The following AHCYL2 variants were observed in gnomAD, a reference collection of about 807,000 sequenced individuals.
AHCYL2 encodes the protein S-adenosylhomocysteine hydrolase-like protein 2.
AHCYL2 carries 28 observed loss-of-function variants against 81.4 expected under a neutral mutation model. That is an observed-to-expected ratio of 0.34 (90% CI 0.25 to 0.47). AHCYL2 has a LOEUF of 0.47. AHCYL2 is among the 20% of genes least tolerant of loss of function. AHCYL2 has a pLI of 1.00. For missense variants in AHCYL2, 551 were observed against 785.1 expected, an observed-to-expected ratio of 0.70 and a Z score of 3.56; for synonymous variants, 272 against 290.2, an observed-to-expected ratio of 0.94 and a Z score of 0.64.
In AHCYL2 at chr7:129,406,373, T is replaced by C. The variant is rs200415175; in HGVS notation, c.1207-5T>C. On this transcript the variant is annotated splice_region_variant and splice_polypyrimidine_tract_variant and intron_variant, in intron 9 of 16. Coordinates refer to ENST00000325006, the MANE Select transcript of AHCYL2 (RefSeq NM_015328.4). This position sits in a 1 kb window ranked among gnomAD's most constrained non-coding sequence, Gnocchi z 4.3. Reference sequence around the variant, plus strand: ...CTTAATATGTGTGCTCTCTCCCCTCTTCAGGTGGGGAAAGGGTGCTGTGCT... The same window carrying C: ...CTTAATATGTGTGCTCTCTCCCCTCCTCAGGTGGGGAAAGGGTGCTGTGCT... The C allele has an allele frequency of 2.5e-6, 4 of 1,611,852 alleles. No individual in the cohort carries two copies. Among genetic ancestry groups the C allele is most frequent in the Middle Eastern group, 1.7e-4 (1 of 6,050 alleles).
At chr7:129,282,104 C>CT (rs1386879433) in intron 1 of AHCYL2, among the ~76,000 whole-genome samples, 2 of 152,070 alleles carry the variant, frequency 1.3e-5, no homozygotes, top group African/African-American at 2.4e-5. Flanking sequence ...TTGTATGACT[C>CT]TAATTCTTTT....
intron 1 of AHCYL2, among the ~76,000 whole-genome samples, chr7:129,243,580 GT>G (rs1554468635): frequency 6.7e-6 from 1 of 148,340 alleles, no homozygotes; most frequent in Non-Finnish European, 1.5e-5. Flanking sequence ...TTTTGTTTTT[GT>G]TTTGTTTTGT....
In AHCYL2 at chr7:129,368,110, C is replaced by T; in HGVS notation, c.364-11528C>T. On this transcript the variant is annotated intron_variant, in intron 1 of 16. Coordinates refer to ENST00000325006, the MANE Select transcript of AHCYL2 (RefSeq NM_015328.4). This position sits in a 1 kb window ranked among gnomAD's most constrained non-coding sequence, Gnocchi z 4.4. ...AGGGTGGGAGAGAATTCACAAGTGC[C>T]TCACACACAGGGAAAGAAGGAAGTC... The T allele has an allele frequency of 2.9e-6, 3 of 1,021,900 alleles. No individual in the cohort carries two copies. Among genetic ancestry groups the T allele is most frequent in the Non-Finnish European group, 2.3e-6 (2 of 853,268 alleles). The allele number at this position is 1,021,900 out of a possible 1,614,324, so 63.3% of individuals were successfully genotyped here.
intron 1 of AHCYL2, among the ~76,000 whole-genome samples, chr7:129,293,987 GGTTT>G (rs900212682): frequency 1.3e-5 from 2 of 151,886 alleles, no homozygotes; most frequent in Non-Finnish European, 2.9e-5. Context: ...TGCTTTATCT[GGTTT>G]GTTTGGTAGT....
At chr7:129,350,607 G>C (rs1345255368) in intron 1 of AHCYL2, among the ~76,000 whole-genome samples, 1 of 151,756 alleles carries the variant, frequency 6.6e-6, no homozygotes, top group Non-Finnish European at 1.5e-5. Flanking sequence ...GGCTGGTCTC[G>C]AACTCCTGAC....
At chr7:129,353,056 C>CT (rs1000397098) in intron 1 of AHCYL2, among the ~76,000 whole-genome samples, 1 of 150,674 alleles carries the variant, frequency 6.6e-6, no homozygotes, top group African/African-American at 2.4e-5. Context: ...AGCGATTCTC[C>CT]TGCCTCAGCC....
intron 4 of AHCYL2, among the ~76,000 whole-genome samples, chr7:129,395,410 T>C (rs1415610045): frequency 1.3e-5 from 2 of 152,214 alleles, no homozygotes; most frequent in African/African-American, 4.8e-5. Flanking sequence ...CTGCCTCTCC[T>C]ATCTGTAGCA....
intron 1 of AHCYL2, among the ~76,000 whole-genome samples, chr7:129,330,073 T>C (rs1798363629): frequency 1.3e-5 from 2 of 152,330 alleles, no homozygotes; most frequent in South Asian, 4.1e-4. Flanking sequence ...GGCACGATCA[T>C]AGGTGAGCTT....
chr7:129,338,891 AT>A (rs546806312), intron 1 of AHCYL2, among the ~76,000 whole-genome samples: 49 of 152,358 alleles, frequency 3.2e-4, no homozygotes, highest in African/African-American at 1.1e-3. Flanking sequence ...TTTGTGTCAC[AT>A]ATAGGCCCTG....
At chr7:129,369,184 A>T (rs1484995352) in intron 1 of AHCYL2, among the ~76,000 whole-genome samples, 1 of 150,714 alleles carries the variant, frequency 6.6e-6, no homozygotes, top group Non-Finnish European at 1.5e-5. Flanking sequence ...GAACTAGCAT[A>T]TAAACCTATT....
intron 1 of AHCYL2, among the ~76,000 whole-genome samples, chr7:129,256,146 G>A (rs530785211): frequency 9.9e-5 from 15 of 152,116 alleles, no homozygotes; most frequent in South Asian, 4.2e-4. Context: ...AATAAATACC[G>A]TCTACCTGGA....
intron 11 of AHCYL2, among the ~76,000 whole-genome samples, chr7:129,412,530 C>A (rs183658959): frequency 2.6e-5 from 4 of 151,984 alleles, no homozygotes; most frequent in Admixed American, 6.6e-5. Context: ...ATCCACCCCC[C>A]TCAGCCTCCC....
At chr7:129,388,666 C>T (rs1007635936) in intron 2 of AHCYL2, 1 of 158,972 alleles carries the variant, frequency 6.3e-6, no homozygotes, top group East Asian at 1.8e-4. Flanking sequence ...TGTACTAAAA[C>T]ACAAATTATA....
At chr7:129,230,038 G>C (rs1374797643) in intron 1 of AHCYL2, among the ~76,000 whole-genome samples, 1 of 150,924 alleles carries the variant, frequency 6.6e-6, no homozygotes, top group Non-Finnish European at 1.5e-5. Context: ...TGTATACCAG[G>C]CATTGTACTT....
Position 129,239,994 on chromosome 7 carries a change from C to T in AHCYL2, c.363+14555C>T, listed in dbSNP as rs1316021163. On this transcript the variant is annotated intron_variant, in intron 1 of 16. Coordinates refer to ENST00000325006, the MANE Select transcript of AHCYL2 (RefSeq NM_015328.4). ...ATCCTAGCACTTTAGGAGGCTGAGG[C>T]GGGTGGATCACCTGAGGTTGAGAGT... 3.3e-5 allele frequency among the ~76,000 whole-genome samples: 5 copies of T among 151,960 alleles called. No individual in the cohort carries two copies. In the South Asian group the frequency reaches 6.2e-4, roughly 19 times the overall value.
At chr7:129,228,263 C>G (rs1276982119) in intron 1 of AHCYL2, among the ~76,000 whole-genome samples, 1 of 152,206 alleles carries the variant, frequency 6.6e-6, no homozygotes, top group African/African-American at 2.4e-5. Context: ...TTCCTTACTT[C>G]ATTCACATAT....
At chr7:129,329,547 A>C (rs1223308177) in intron 1 of AHCYL2, among the ~76,000 whole-genome samples, 1 of 152,216 alleles carries the variant, frequency 6.6e-6, no homozygotes, top group Non-Finnish European at 1.5e-5. Flanking sequence ...TTAATCATGA[A>C]TATGGATGTG....
chr7:129,371,574 C>A (rs1165530040), intron 1 of AHCYL2, among the ~76,000 whole-genome samples: 2 of 152,242 alleles, frequency 1.3e-5, no homozygotes, highest in African/African-American at 4.8e-5. Flanking sequence ...GACAGCTTTA[C>A]TGCTGAAAGG....
Position 129,368,215 on chromosome 7 carries a change from G to A in AHCYL2, c.364-11423G>A. 2 of 1,290,114 alleles carry A rather than the reference G, an allele frequency of 1.6e-6. No individual in the cohort carries two copies. The highest frequency in any genetic ancestry group is 2.0e-6 in the Non-Finnish European group (2 of 1,015,388). 79.9% of individuals were successfully genotyped at this position (1,290,114 alleles called of 1,614,324 possible). The stretch of plus-strand genomic sequence containing the variant: ...AGCATTAAAACAGTGAGTGCCCTGT[G>A]AGAAGCACAGTGCCTGGGTGCAGCA... On this transcript the variant is annotated intron_variant, in intron 1 of 16. Transcript: ENST00000325006. The surrounding 1 kb of genome is among the most constrained non-coding windows in gnomAD (Gnocchi z 4.4).
Sources: allele counts gnomAD v4.1 joint callset (sites outside exome capture counted in the v4.1 genomes callset), GRCh38; gene constraint gnomAD v4.1.1; non-coding constraint Gnocchi (gnomAD v3.1); transcripts MANE v1.5; gene names NCBI Gene and HGNC (gene_info 2026-07-23, HGNC 2026-07-21).